Variants in KLF8 observed in about 807,000 individuals in gnomAD.
The protein encoded by KLF8 is KLF transcription factor 8.
A neutral mutation model predicts 18.2 loss-of-function variants in KLF8; 10 were observed. That is an observed-to-expected ratio of 0.55 (90% CI 0.34 to 0.93). KLF8 has a LOEUF of 0.93. Ranked by LOEUF, KLF8 falls within the 40% of genes least tolerant of loss-of-function variation. The pLI is 0.02. For missense variants in KLF8, 264 were observed against 277.9 expected (o/e 0.95, Z 0.36); for synonymous variants, 109 against 97.3 (o/e 1.12, Z -0.71).
chrX:55,915,817 T>TG, the KLF8 span, among the ~76,000 whole-genome samples: 1 of 111,954 alleles, frequency 8.9e-6, no homozygotes. Flanking sequence ...TGAAGCTAGC[T>TG]TAAACACAAG....
chrX:56,115,472 T>C, the KLF8 span, among the ~76,000 whole-genome samples: 1 of 111,556 alleles, frequency 9.0e-6, no homozygotes, highest in East Asian at 2.8e-4. Context: ...TAAAATTTCT[T>C]TAACATACTG....
the KLF8 span, among the ~76,000 whole-genome samples, chrX:56,174,607 T>C: frequency 8.9e-6 from 1 of 111,950 alleles, no homozygotes; most frequent in African/African-American, 3.2e-5. Flanking sequence ...GATGCTGGCC[T>C]CATAAAATGA....
At chrX:56,102,922 C>A in the KLF8 span, among the ~76,000 whole-genome samples, 1 of 81,730 alleles carries the variant, frequency 1.2e-5, no homozygotes, top group Non-Finnish European at 2.3e-5. Context: ...CCACAACAGT[C>A]CCCGGGGTGT....
At chrX:56,258,358 CGCCTCCT>C (rs1328916533) in intron 2 of KLF8, among the ~76,000 whole-genome samples, 1 of 110,778 alleles carries the variant, frequency 9.0e-6, no homozygotes. Context: ...CCGCAAGCTC[CGCCTCCT>C]GCGTTCACGC....
chrX:56,218,816 T>A, the KLF8 span, among the ~76,000 whole-genome samples: 4 of 112,129 alleles, frequency 3.6e-5, no homozygotes, highest in Non-Finnish European at 7.5e-5. Context: ...GGCTCTCACC[T>A]TGAGAAAGTA....
chrX:56,180,821 G>A, the KLF8 span, among the ~76,000 whole-genome samples: 175 of 112,357 alleles, frequency 1.6e-3, no homozygotes, highest in Non-Finnish European at 2.1e-3. Flanking sequence ...ACTGTGGTCT[G>A]TGAGATAGTT....
the KLF8 span, among the ~76,000 whole-genome samples, chrX:56,145,715 G>T: frequency 2.7e-5 from 3 of 111,716 alleles, no homozygotes; most frequent in Non-Finnish European, 5.6e-5. Flanking sequence ...CCTGCATGTT[G>T]TGCACATGTA....
At chrX:55,941,007 A>G in the KLF8 span, among the ~76,000 whole-genome samples, 2 of 111,959 alleles carry the variant, frequency 1.8e-5, no homozygotes. Flanking sequence ...CTTTCTTCAC[A>G]GAGTTGGAAA....
At chrX:55,991,433 G>A in the KLF8 span, among the ~76,000 whole-genome samples, 12 of 111,981 alleles carry the variant, frequency 1.1e-4, no homozygotes, top group South Asian at 3.7e-4. Flanking sequence ...AGGGAATTCC[G>A]TGACCCCTTT....
the KLF8 span, among the ~76,000 whole-genome samples, chrX:56,192,792 A>G: frequency 8.9e-6 from 1 of 112,610 alleles, no homozygotes; most frequent in Non-Finnish European, 1.9e-5. Flanking sequence ...CCTTTCTCTC[A>G]CCATATACAA....
At chrX:55,992,990 G>A in the KLF8 span, among the ~76,000 whole-genome samples, 5 of 111,383 alleles carry the variant, frequency 4.5e-5, no homozygotes, top group Non-Finnish European at 5.7e-5. Flanking sequence ...AGGTCTGTAA[G>A]CGTTTTGGCA....
chrX:56,018,613 A>G, the KLF8 span, among the ~76,000 whole-genome samples: 9,954 of 110,996 alleles, frequency 0.09, 1,095 homozygotes, highest in African/African-American at 0.31. Flanking sequence ...AATATGTTTT[A>G]TTATATAATA....
At chrX:55,931,094 T>C in the KLF8 span, among the ~76,000 whole-genome samples, 1 of 111,960 alleles carries the variant, frequency 8.9e-6, no homozygotes, top group East Asian at 2.8e-4. Flanking sequence ...GGATTCTACT[T>C]CTTCCTTGTT....
the KLF8 span, among the ~76,000 whole-genome samples, chrX:56,188,580 G>T: frequency 2.7e-5 from 3 of 111,784 alleles, no homozygotes; most frequent in African/African-American, 9.8e-5. Flanking sequence ...TAAGCCAAAA[G>T]AACAAAGCTG....
intron 1 of KLF8, among the ~76,000 whole-genome samples, chrX:56,248,347 A>G (rs1218180065): frequency 9.0e-6 from 1 of 111,480 alleles, no homozygotes; most frequent in Admixed American, 9.5e-5. Context: ...GTCATCGTTG[A>G]CTGAAACGTC....
the KLF8 span, among the ~76,000 whole-genome samples, chrX:56,039,358 C>A: frequency 3.6e-5 from 4 of 111,563 alleles, no homozygotes; most frequent in Admixed American, 9.5e-5. Flanking sequence ...ACATTTAAGT[C>A]TTTAATCCCT....
the KLF8 span, among the ~76,000 whole-genome samples, chrX:56,163,219 A>G: frequency 3.6e-5 from 4 of 111,967 alleles, no homozygotes; most frequent in South Asian, 3.7e-4. Flanking sequence ...AACAGTGTAG[A>G]AGCATTTTTT....
chrX:56,077,789 C>A, the KLF8 span, among the ~76,000 whole-genome samples: 2 of 111,560 alleles, frequency 1.8e-5, no homozygotes, highest in African/African-American at 6.5e-5. Context: ...GAATGTTCTT[C>A]CATTTGTTTG....
chrX:56,084,445 A>G, the KLF8 span, among the ~76,000 whole-genome samples: 2 of 111,871 alleles, frequency 1.8e-5, no homozygotes, highest in Admixed American at 1.9e-4. Context: ...GGAAAAAAAA[A>G]CATAAACATA....
Sources: allele counts gnomAD v4.1 joint callset (sites outside exome capture counted in the v4.1 genomes callset), GRCh38; gene constraint gnomAD v4.1.1; transcripts MANE v1.5; gene names NCBI Gene and HGNC (gene_info 2026-07-23, HGNC 2026-07-21).